ZNF831: variants seen among roughly 807,000 people sequenced by gnomAD.
ZNF831 encodes the protein zinc finger protein 831, also known as chromosome 20 open reading frame 174.
ZNF831 carries 59 observed loss-of-function variants against 95.8 expected under a neutral mutation model. That is an observed-to-expected ratio of 0.62 (90% confidence interval 0.50 to 0.77). ZNF831 has a LOEUF of 0.77. Among genes scored for constraint, ZNF831 ranks in the 30% least tolerant of loss-of-function variants. The probability of loss-of-function intolerance (pLI) is 0.00; values close to 1 mark genes in which losing one functional copy is unlikely to be tolerated. For missense variants in ZNF831, 2,205 were observed against 2,164.0 expected, an observed-to-expected ratio of 1.02 and a Z score of -0.38; for synonymous variants, 961 against 925.5, an observed-to-expected ratio of 1.04 and a Z score of -0.70.
chr20:59,127,719 G>A (rs140536236), intron 1 of ZNF831, among the ~76,000 whole-genome samples: 9 of 152,330 alleles, frequency 5.9e-5, no homozygotes, highest in African/African-American at 1.9e-4. Context: ...TGGAATGGAG[G>A]AGCTTCAAGG....
chr20:59,186,830 C>T (rs1327374609), intron 1 of ZNF831, among the ~76,000 whole-genome samples: 6 of 151,698 alleles, frequency 4.0e-5, no homozygotes, highest in Non-Finnish European at 8.8e-5. Context: ...TGGTGAGGTT[C>T]ATAATGAGAC....
intron 1 of ZNF831, among the ~76,000 whole-genome samples, chr20:59,141,039 A>G (rs1979661971): frequency 6.6e-6 from 1 of 152,172 alleles, no homozygotes; most frequent in Admixed American, 6.5e-5. Flanking sequence ...AGCTAGGATT[A>G]TAGGTGCGCA....
At chr20:59,134,254 A>T (rs1190402136) in intron 1 of ZNF831, among the ~76,000 whole-genome samples, 1 of 152,170 alleles carries the variant, frequency 6.6e-6, no homozygotes, top group African/African-American at 2.4e-5. Flanking sequence ...AGCAGAACCC[A>T]GGCCCAAAGC....
chr20:59,146,894 C>T (rs1979897826), intron 2 of ZNF831: 1 of 152,090 alleles, frequency 6.6e-6, no homozygotes, highest in South Asian at 2.1e-4. Flanking sequence ...AGAAGGGACT[C>T]TAATAGGAAA....
chr20:59,166,894 T>C (rs182623000), intron 1 of ZNF831, among the ~76,000 whole-genome samples: 13 of 152,370 alleles, frequency 8.5e-5, no homozygotes, highest in African/African-American at 3.1e-4. Flanking sequence ...GAAACATTCA[T>C]GTACAAGCTT....
At chr20:59,219,639 G>A (rs558152305) in intron 4 of ZNF831, among the ~76,000 whole-genome samples, 157 of 152,304 alleles carry the variant, frequency 1.0e-3, no homozygotes, top group Non-Finnish European at 1.4e-3. Context: ...AGAAAGGAAT[G>A]TCAGCAGGGC....
In ZNF831 at chr20:59,254,609, C is replaced by A. The variant is rs748931098; in HGVS notation, c.4900C>A (p.Gln1634Lys). 1.9e-6 allele frequency: 3 copies of A among 1,613,906 alleles called. No individual in the cohort carries two copies. The highest frequency in any genetic ancestry group is 2.2e-5 in the South Asian group (2 of 91,084). Residue 1634 changes from glutamine to lysine, a missense_variant, in exon 6 of 6, where the codon CAG (glutamine) becomes AAG (lysine). By Grantham distance (53) the Gln-to-Lys change is moderately conservative (BLOSUM62 1). Coordinates refer to ENST00000371030, the MANE Select transcript of ZNF831 (RefSeq NM_178457.3). This position sits in a 1 kb window ranked among gnomAD's most constrained non-coding sequence, Gnocchi z 4.5. The part of the protein sequence containing the change: ...KDSVVPSKPE[Q>K]PIEIPEAPSK... ...TTCTGTGGTTCCTTCTAAGCCAGAGCAGCCCATAGAAATTCCTGAAGCCCC... is the reference window on the plus strand; with the variant it reads ...TTCTGTGGTTCCTTCTAAGCCAGAGAAGCCCATAGAAATTCCTGAAGCCCC...
At chr20:59,185,763 C>T (rs749452591) in intron 1 of ZNF831, among the ~76,000 whole-genome samples, 4 of 152,158 alleles carry the variant, frequency 2.6e-5, no homozygotes, top group African/African-American at 4.8e-5. Context: ...AGGAGCTGGA[C>T]GGACTTATTT....
intron 4 of ZNF831, among the ~76,000 whole-genome samples, chr20:59,252,385 G>A (rs1165474091): frequency 6.6e-6 from 1 of 152,158 alleles, no homozygotes; most frequent in Non-Finnish European, 1.5e-5. Context: ...GGTATGCCAG[G>A]TCATCAGTGC....
At chr20:59,211,833 TTTTC>T (rs1985357393) in intron 4 of ZNF831, among the ~76,000 whole-genome samples, 1 of 149,822 alleles carries the variant, frequency 6.7e-6, no homozygotes, top group Non-Finnish European at 1.5e-5. Flanking sequence ...GCCTGTGTTT[TTTTC>T]TTTCTGAGGA....
At chr20:59,149,934 C>A (rs572470363) in intron 2 of ZNF831, among the ~76,000 whole-genome samples, 2 of 152,378 alleles carry the variant, frequency 1.3e-5, no homozygotes, top group South Asian at 4.1e-4. Flanking sequence ...TGGCTGGACC[C>A]CCATCCAACG....
At chr20:59,221,921 C>T (rs1986101519) in intron 4 of ZNF831, among the ~76,000 whole-genome samples, 1 of 152,206 alleles carries the variant, frequency 6.6e-6, no homozygotes, top group Non-Finnish European at 1.5e-5. Context: ...TAAGCACCCC[C>T]GGGTGCAAAG....
intron 4 of ZNF831, among the ~76,000 whole-genome samples, chr20:59,244,338 T>G (rs1987489835): frequency 6.6e-6 from 1 of 152,250 alleles, no homozygotes; most frequent in African/African-American, 2.4e-5. Flanking sequence ...AAACTAAATT[T>G]TAGTTACTGG....
intron 4 of ZNF831, among the ~76,000 whole-genome samples, chr20:59,220,401 G>A (rs1157835526): frequency 6.6e-6 from 1 of 152,188 alleles, no homozygotes; most frequent in African/African-American, 2.4e-5. Context: ...GGCCCTTTTG[G>A]TTTGGAGGCA....
chr20:59,124,587 G>GT lies in ZNF831; in HGVS notation c.-1425+1083dup, dbSNP rs139387265. ...CTGTGCAGTGGGGCCAGACGCCTCC[G>GT]TGGGTACAGCATGTCCAGGATCGTT... On this transcript the variant is annotated intron_variant, in intron 1 of 7. Transcript: ENST00000637017. Among the ~76,000 whole-genome samples, 1,235 of 152,280 alleles carry GT rather than the reference G, an allele frequency of 8.1e-3. 18 individuals carry two copies. The highest frequency in any genetic ancestry group is 0.028 in the African/African-American group (1,151 of 41,542).
intron 4 of ZNF831, among the ~76,000 whole-genome samples, chr20:59,233,157 AG>A (rs1986827942): frequency 6.6e-6 from 1 of 152,144 alleles, no homozygotes; most frequent in South Asian, 2.1e-4. Flanking sequence ...TCTGAGGTCC[AG>A]GTTCTTAGCG....
chr20:59,220,317 C>G lies in ZNF831; in HGVS notation c.4027+13261C>G, dbSNP rs372413971. On this transcript the variant is annotated intron_variant, in intron 4 of 5. Coordinates refer to ENST00000371030, the MANE Select transcript of ZNF831 (RefSeq NM_178457.3). ...GCAAGACTCACTCTCAACAAAATCA[C>G]GGAGGCACCAGGTGCGCCTTGCGGG... 1.4e-4 allele frequency among the ~76,000 whole-genome samples: 22 copies of G among 152,310 alleles called. No homozygotes were observed. In the East Asian group the frequency reaches 4.2e-3, roughly 29 times the overall value.
Position 59,193,948 on chromosome 20 carries a change from G to A in ZNF831, c.2929G>A (p.Ala977Thr), listed in dbSNP as rs199744168. 6 of 1,581,750 alleles carry A rather than the reference G, an allele frequency of 3.8e-6. No individual in the cohort carries two copies. Among genetic ancestry groups the A allele is most frequent in the South Asian group, 1.2e-5 (1 of 85,160 alleles). Residue 977 changes from alanine to threonine, a missense_variant, in exon 2 of 6, where the codon GCA becomes ACA. Ala to Thr is a moderately conservative substitution (Grantham distance 58). Coordinates refer to ENST00000371030, the MANE Select transcript of ZNF831 (RefSeq NM_178457.3). ...LCSSGWPEER[A>T]SFVGSGLGTP... is the part of the protein sequence containing the mutation. Reference sequence around the variant, plus strand: ...CAGCAGTGGGTGGCCTGAAGAACGGGCATCATTTGTTGGGTCAGGACTGGG... The same window carrying A: ...CAGCAGTGGGTGGCCTGAAGAACGGACATCATTTGTTGGGTCAGGACTGGG...
At chr20:59,196,649 C>G (rs995102586) in intron 3 of ZNF831, among the ~76,000 whole-genome samples, 5 of 151,370 alleles carry the variant, frequency 3.3e-5, no homozygotes, top group African/African-American at 1.2e-4. Context: ...TCCCTGTGAT[C>G]TCCTCCTCTC....
Sources: allele counts gnomAD v4.1 joint callset (sites outside exome capture counted in the v4.1 genomes callset), GRCh38; gene constraint gnomAD v4.1.1; non-coding constraint Gnocchi (gnomAD v3.1); transcripts MANE v1.5; gene names NCBI Gene and HGNC (gene_info 2026-07-23, HGNC 2026-07-21).